SLC4A10: variants seen among roughly 807,000 people sequenced by gnomAD.
SLC4A10 encodes the protein sodium-driven chloride bicarbonate exchanger.
A neutral mutation model predicts 137.7 loss-of-function variants in SLC4A10; 42 were observed. That is an observed-to-expected ratio of 0.30 (90% confidence interval 0.24 to 0.39). The LOEUF is 0.39. SLC4A10 is among the 10% of genes least tolerant of loss of function. SLC4A10 has a pLI of 1.00. For missense variants in SLC4A10, 925 were observed against 1,355.0 expected (o/e 0.68, Z 4.98); for synonymous variants, 474 against 464.1 (o/e 1.02, Z -0.27).
At chr2:161,943,972 C>T (rs1168079999) in intron 16 of SLC4A10, among the ~76,000 whole-genome samples, 1 of 151,886 alleles carries the variant, frequency 6.6e-6, no homozygotes, top group East Asian at 1.9e-4. Context: ...ATTACTTACT[C>T]TTTATTTAAA....
intron 10 of SLC4A10, among the ~76,000 whole-genome samples, chr2:161,892,843 A>G (rs2063061774): frequency 1.3e-5 from 2 of 152,108 alleles, no homozygotes; most frequent in Non-Finnish European, 2.9e-5. Context: ...TTCCCCACTT[A>G]CTATATTAAG....
chr2:161,712,101 G>A (rs1045850429), intron 1 of SLC4A10, among the ~76,000 whole-genome samples: 12 of 151,690 alleles, frequency 7.9e-5, no homozygotes, highest in African/African-American at 2.4e-4. Flanking sequence ...ATGCTACACT[G>A]AAATATAGTT....
At chr2:161,957,871 G>A (rs752702281) in intron 20 of SLC4A10, among the ~76,000 whole-genome samples, 5 of 151,768 alleles carry the variant, frequency 3.3e-5, no homozygotes, top group Non-Finnish European at 7.4e-5. Context: ...CATTTTATTT[G>A]CCTATAATTT....
intron 15 of SLC4A10, among the ~76,000 whole-genome samples, chr2:161,920,513 C>A (rs1444389904): frequency 6.6e-6 from 1 of 152,198 alleles, no homozygotes; most frequent in Admixed American, 6.5e-5. Flanking sequence ...CAAAAGAGTT[C>A]ACCTTGTTGG....
intron 1 of SLC4A10, among the ~76,000 whole-genome samples, chr2:161,764,276 CT>C (rs1192915131): frequency 2.6e-5 from 4 of 151,742 alleles, no homozygotes. Context: ...AGCATGCTAT[CT>C]TTTTTTAAAG....
chr2:161,879,060 A>C lies in SLC4A10; in HGVS notation c.949-71A>C, dbSNP rs1382904653. 5.1e-6 allele frequency: 7 copies of C among 1,367,654 alleles called. No homozygotes were observed. In the African/African-American group the frequency reaches 8.6e-5, roughly 17 times the overall value. The allele number at this position is 1,367,654 out of a possible 1,614,324, so 84.7% of individuals were successfully genotyped here. A position where few individuals can be genotyped will look rare whatever the true frequency, so the allele number is the denominator to read the frequency against. On this transcript the variant is annotated intron_variant, in intron 8 of 26. Transcript: ENST00000446997. ...ATTCATGGATTACTATATGTGAAGC[A>C]CTGTGCAAGAATATGATTTACCAGA... is the stretch of plus-strand genomic sequence containing the variant.
intron 1 of SLC4A10, among the ~76,000 whole-genome samples, chr2:161,682,426 C>G (rs902403716): frequency 6.6e-6 from 1 of 152,000 alleles, no homozygotes; most frequent in Non-Finnish European, 1.5e-5. Context: ...GGGAAGTTAA[C>G]TTTTTCAAGG....
In SLC4A10 at chr2:161,905,631, C is replaced by T; in HGVS notation, c.1752-11C>T. On this transcript the variant is annotated splice_polypyrimidine_tract_variant and intron_variant, in intron 14 of 26. Coordinates refer to ENST00000446997, the MANE Select transcript of SLC4A10 (RefSeq NM_001178015.2). ...CTTCTTTTCACTGTTCTTTCCTTTTCCTCCTCCCAGAGAATATGGGCTGTC... is the reference window on the plus strand; with the variant it reads ...CTTCTTTTCACTGTTCTTTCCTTTTTCTCCTCCCAGAGAATATGGGCTGTC... The T allele has an allele frequency of 6.4e-7, 1 of 1,574,422 alleles. No individual in the cohort carries two copies. The highest frequency in any genetic ancestry group is 8.6e-7 in the Non-Finnish European group (1 of 1,161,748).
At chr2:161,889,765 T>G (rs574169970) in intron 10 of SLC4A10, among the ~76,000 whole-genome samples, 31 of 152,252 alleles carry the variant, frequency 2.0e-4, no homozygotes, top group Non-Finnish European at 3.8e-4. Flanking sequence ...TGAAGGGTTT[T>G]TGTGTGTGTG....
At chr2:161,728,140 A>G (rs1366789585) in intron 1 of SLC4A10, among the ~76,000 whole-genome samples, 1 of 152,236 alleles carries the variant, frequency 6.6e-6, no homozygotes, top group Non-Finnish European at 1.5e-5. Flanking sequence ...CTATGTACAT[A>G]AATCTGTCAA....
intron 15 of SLC4A10, among the ~76,000 whole-genome samples, chr2:161,932,306 T>C (rs1449657690): frequency 6.6e-6 from 1 of 152,204 alleles, no homozygotes; most frequent in Admixed American, 6.5e-5. Flanking sequence ...CTGCCACTAC[T>C]GTAAAACCAA....
At chr2:161,781,259 T>G (rs1411604748) in intron 2 of SLC4A10, among the ~76,000 whole-genome samples, 4 of 152,072 alleles carry the variant, frequency 2.6e-5, no homozygotes, top group Non-Finnish European at 5.9e-5. Flanking sequence ...TGGACTAATG[T>G]CCTTTTATGT....
chr2:161,830,178 T>C (rs202040603), intron 3 of SLC4A10, among the ~76,000 whole-genome samples: 1 of 143,742 alleles, frequency 7.0e-6, no homozygotes, highest in Non-Finnish European at 1.5e-5. Context: ...AAAAAAAAAA[T>C]AACAACAACC....
At chr2:161,721,488 T>C (rs904409079) in intron 1 of SLC4A10, among the ~76,000 whole-genome samples, 2 of 152,240 alleles carry the variant, frequency 1.3e-5, no homozygotes, top group Non-Finnish European at 2.9e-5. Flanking sequence ...GAAATTCTTT[T>C]CTTTAAGACT....
chr2:161,787,465 C>T (rs1024040855), intron 2 of SLC4A10, among the ~76,000 whole-genome samples: 9 of 152,074 alleles, frequency 5.9e-5, no homozygotes, highest in Non-Finnish European at 1.0e-4. Flanking sequence ...ATGTCTACCT[C>T]CCAACAAGAT....
rs1399384677 is a variant in SLC4A10, at chr2:161,839,845, C to T, written c.334C>T (p.His112Tyr). ...ILGTEDDDEE[H>Y]IPHDLFTELD... is the part of the protein sequence containing the mutation. ...TGGAACCGAGGATGATGACGAGGAA[C>T]ACATTCCTCATGACCTTTTCACAGA... The change falls in exon 4 of 27, where the codon CAC (histidine) becomes TAC (tyrosine). Residue 112 changes from histidine to tyrosine, a missense_variant. By Grantham distance (83) the His-to-Tyr change is moderately conservative. This residue lies in a region of SLC4A10 where 138 missense variants were observed against 171.3 expected (regional missense o/e 0.81). Coordinates refer to ENST00000446997, the MANE Select transcript of SLC4A10 (RefSeq NM_001178015.2). 3.1e-6 allele frequency: 5 copies of T among 1,613,758 alleles called. No homozygotes were observed. Among genetic ancestry groups the T allele is most frequent in the Non-Finnish European group, 4.2e-6 (5 of 1,179,752 alleles).
At chr2:161,837,703 TA>T (rs1402543329) in intron 3 of SLC4A10, among the ~76,000 whole-genome samples, 1 of 152,198 alleles carries the variant, frequency 6.6e-6, no homozygotes, top group Non-Finnish European at 1.5e-5. Flanking sequence ...ACTCTAAAGC[TA>T]TAGTAATCAA....
chr2:161,927,702 G>C (rs1689432310), intron 15 of SLC4A10, among the ~76,000 whole-genome samples: 1 of 152,120 alleles, frequency 6.6e-6, no homozygotes, highest in South Asian at 2.1e-4. Context: ...CCATCAAAAA[G>C]TGGGCAAAGG....
chr2:161,699,258 G>T (rs2042885670), intron 1 of SLC4A10, among the ~76,000 whole-genome samples: 1 of 152,142 alleles, frequency 6.6e-6, no homozygotes, highest in Non-Finnish European at 1.5e-5. Context: ...CTGACCTCGT[G>T]ATCTGTCGGC....
Sources: allele counts gnomAD v4.1 joint callset (sites outside exome capture counted in the v4.1 genomes callset), GRCh38; gene constraint gnomAD v4.1.1; regional missense constraint gnomAD v4.1.1; transcripts MANE v1.5; gene names NCBI Gene and HGNC (gene_info 2026-07-23, HGNC 2026-07-21).